The following SIRT1 variants were observed in gnomAD, a reference collection of about 807,000 sequenced individuals.
SIRT1 encodes NAD-dependent protein deacetylase sirtuin-1.
Under a neutral mutation model 67.9 loss-of-function variants are expected in SIRT1, and 24 were observed. The observed-to-expected ratio is 0.35, with a 90% CI of 0.26 to 0.50. The LOEUF (loss-of-function observed/expected upper bound fraction) is 0.50. SIRT1 is among the 20% of genes least tolerant of loss of function. SIRT1 has a pLI of 0.98. For missense variants in SIRT1, 873 were observed against 937.2 expected (o/e 0.93, Z 0.89); for synonymous variants, 378 against 350.7 (o/e 1.08, Z -0.87).
At position 67,889,541 on chromosome 10, in the gene SIRT1, A is replaced by AT. The variant is rs1842536199; in HGVS notation, c.789+420dup. On this transcript the variant is annotated intron_variant, in intron 3 of 8. Transcript: ENST00000212015. ...AGCTTAGTGTTGGGAAGAGTAACAG[A>AT]TTCCTACCTTCCCTCCATATTAATT... 2.6e-5 allele frequency among the ~76,000 whole-genome samples: 4 copies of AT among 152,276 alleles called. No homozygotes were observed. The South Asian group carries it at 8.3e-4, about 32-fold the overall frequency.
chr10:67,885,166 G>A lies in SIRT1; in HGVS notation c.430+15G>A. ...TGGGTACCGAGGTGCGCAGGGTGCGGGCGGCCGGAACTGCGCATCTCCTCC... is the reference window on the plus strand; with the variant it reads ...TGGGTACCGAGGTGCGCAGGGTGCGAGCGGCCGGAACTGCGCATCTCCTCC... On this transcript the variant is annotated intron_variant, in intron 1 of 8. Coordinates refer to ENST00000212015, the MANE Select transcript of SIRT1 (RefSeq NM_012238.5). 1 of 1,373,932 alleles carries A rather than the reference G, an allele frequency of 7.3e-7. No homozygotes were observed. The highest frequency in any genetic ancestry group is 9.5e-7 in the Non-Finnish European group (1 of 1,055,852). 85.1% of individuals were successfully genotyped at this position (1,373,932 alleles called of 1,614,324 possible). A position where few individuals can be genotyped will look rare whatever the true frequency, so the allele number is the denominator to read the frequency against.
intron 4 of SIRT1, among the ~76,000 whole-genome samples, chr10:67,899,769 T>C (rs1842712672): frequency 6.6e-6 from 1 of 152,044 alleles, no homozygotes; most frequent in Non-Finnish European, 1.5e-5. Context: ...AGGGTTGTTT[T>C]TAAGGCAGTT....
At chr10:67,891,795 G>GAA (rs1842578365) in intron 4 of SIRT1, among the ~76,000 whole-genome samples, 3 of 152,166 alleles carry the variant, frequency 2.0e-5, no homozygotes, top group African/African-American at 7.2e-5. Flanking sequence ...AATTTGCACT[G>GAA]CAGCGATGGT....
chr10:67,915,483 T>G (rs1302066100), intron 8 of SIRT1, among the ~76,000 whole-genome samples: 1 of 152,138 alleles, frequency 6.6e-6, no homozygotes, highest in Non-Finnish European at 1.5e-5. Flanking sequence ...TTAGAGGAGT[T>G]TTCAAAAGCG....
chr10:67,907,698 T>C (rs1316480686), intron 5 of SIRT1, among the ~76,000 whole-genome samples: 1 of 152,094 alleles, frequency 6.6e-6, no homozygotes, highest in African/African-American at 2.4e-5. Flanking sequence ...GCTAAGGTAA[T>C]AGAGTTGGAA....
chr10:67,888,886 A>G lies in SIRT1; in HGVS notation c.552A>G (p.Pro184=), dbSNP rs1842527150. 1.2e-6 allele frequency: 2 copies of G among 1,610,448 alleles called. No individual in the cohort carries two copies. Among genetic ancestry groups the G allele is most frequent in the South Asian group, 1.1e-5 (1 of 90,688 alleles). The part of the protein sequence containing the change: ...SDWTPRPRIG[P]YTFVQQHLMI... ...GCCTTTTCCCCCTTATTGTAGGTCC[A>G]TATACTTTTGTTCAGCAACATCTTA... The change falls in exon 3 of 9, where the codon CCA becomes CCG. Residue 184 remains proline (P), a synonymous_variant. Transcript: ENST00000212015.
chr10:67,904,123 GTT>G, intron 4 of SIRT1, among the ~76,000 whole-genome samples: 1 of 115,434 alleles, frequency 8.7e-6, no homozygotes, highest in Non-Finnish European at 1.8e-5. Flanking sequence ...AGTTTTTTTT[GTT>G]TGTTTTTTTT....
In SIRT1 at chr10:67,912,682, T is replaced by C. The variant is rs1439745371; in HGVS notation, c.1566T>C (p.Ala522=). 11 of 1,614,008 alleles carry C rather than the reference T, an allele frequency of 6.8e-6. No homozygotes were observed. The highest frequency in any genetic ancestry group is 1.1e-5 in the South Asian group (1 of 91,088). ...EKPPRTQKEL[A]YLSELPPTPL... ...CTCCACGAACACAAAAAGAATTGGC[T>C]TATTTGTCAGAGTTGCCACCCACAC... Residue 522 remains alanine, a synonymous_variant, in exon 8 of 9, where the codon GCT becomes GCC. Transcript: ENST00000212015.
At position 67,885,006 on chromosome 10, in the gene SIRT1, T is replaced by A; in HGVS notation, c.285T>A (p.Thr95=). ...AAGGEQEAQA[T]AAAGEGDNGP... ...GCGGGGAGCAAGAGGCCCAGGCGAC[T>A]GCGGCGGCTGGGGAAGGAGACAATG... Residue 95 remains threonine (T), a synonymous_variant, in exon 1 of 9, where the codon ACT becomes ACA. Coordinates refer to ENST00000212015, the MANE Select transcript of SIRT1 (RefSeq NM_012238.5). 7.6e-7 allele frequency: 1 copy of A among 1,312,630 alleles called. No homozygotes were observed. The highest frequency in any genetic ancestry group is 9.8e-7 in the Non-Finnish European group (1 of 1,023,202). The allele number at this position is 1,312,630 out of a possible 1,614,324, so 81.3% of individuals were successfully genotyped here.
At chr10:67,896,432 C>T (rs1461791619) in intron 4 of SIRT1, among the ~76,000 whole-genome samples, 2 of 152,348 alleles carry the variant, frequency 1.3e-5, no homozygotes, top group Middle Eastern at 3.4e-3. Flanking sequence ...GCATAGGCCA[C>T]TGCACCCGGC....
chr10:67,906,796 T>C lies in SIRT1; in HGVS notation c.949T>C (p.Tyr317His). The stretch of plus-strand genomic sequence containing the variant: ...TACCATTTGCTTGATACAGGAAATA[T>C]ATCCTGGACAATTCCAGCCATCTCT... ...RPFFKFAKEI[Y>H]PGQFQPSLCH... Residue 317 changes from tyrosine to histidine, a missense_variant, in exon 5 of 9, where the codon TAT (tyrosine) becomes CAT (histidine). By Grantham distance (83) the Tyr-to-His change is moderately conservative. Transcript: ENST00000212015. 1.2e-6 allele frequency: 2 copies of C among 1,611,116 alleles called. No homozygotes were observed. The highest frequency in any genetic ancestry group is 2.2e-5 in the East Asian group (1 of 44,778).
chr10:67,916,529 T>TA lies in SIRT1; in HGVS notation c.2180_2181insA (p.Asn728Ter). 2 of 1,614,112 alleles carry TA rather than the reference T, an allele frequency of 1.2e-6. No homozygotes were observed. The highest frequency in any genetic ancestry group is 1.7e-6 in the Non-Finnish European group (2 of 1,180,018). On this transcript the variant is annotated frameshift_variant, in exon 9 of 9. Transcript: ENST00000212015. LOFTEE classifies it high-confidence loss of function. ...ACTGATGGAGATGATCAAGAGGCAATTAATGAAGCTATATCTGTGAAACAG... is the reference window on the plus strand; with the variant it reads ...ACTGATGGAGATGATCAAGAGGCAATATAATGAAGCTATATCTGTGAAACAG...
intron 4 of SIRT1, among the ~76,000 whole-genome samples, chr10:67,896,348 T>G (rs933554101): frequency 1.3e-5 from 2 of 152,192 alleles, no homozygotes; most frequent in Non-Finnish European, 1.5e-5. Flanking sequence ...TCTCACTATG[T>G]TGTCCAGGCT....
Position 67,906,953 on chromosome 10 carries a change from A to G in SIRT1, c.1090+16A>G. ...CAGTGTCATGGTTAGTAAACTTCAG[A>G]GTGGTTTTCTGTAATTTATTTTAGT... On this transcript the variant is annotated intron_variant, in intron 5 of 8. Coordinates refer to ENST00000212015, the MANE Select transcript of SIRT1 (RefSeq NM_012238.5). 6.5e-7 allele frequency: 1 copy of G among 1,545,956 alleles called. No individual in the cohort carries two copies. The highest frequency in any genetic ancestry group is 8.7e-7 in the Non-Finnish European group (1 of 1,153,068).
At chr10:67,887,295 C>A in intron 1 of SIRT1, 122 bp from the exon 2 acceptor site, 1 of 675,580 alleles carries the variant, frequency 1.5e-6, no homozygotes. Flanking sequence ...CATAGGCATG[C>A]TTTACACACG....
intron 4 of SIRT1, among the ~76,000 whole-genome samples, chr10:67,897,371 C>T (rs1842674867): frequency 6.7e-6 from 1 of 148,594 alleles, no homozygotes; most frequent in Admixed American, 6.7e-5. Context: ...CACTTGCAAC[C>T]TCCGCCTCCC....
intron 7 of SIRT1, 39 bp downstream of exon 7, chr10:67,909,481 T>C: frequency 1.3e-6 from 2 of 1,545,614 alleles, no homozygotes; most frequent in South Asian, 1.2e-5. Flanking sequence ...TTTCTATATA[T>C]AATGTCATGG....
At position 67,912,973 on chromosome 10, in the gene SIRT1, A is replaced by G. The variant is rs1385902332; in HGVS notation, c.1857A>G (p.Thr619=). The G allele has an allele frequency of 6.2e-7, 1 of 1,613,836 alleles. No homozygotes were observed. The highest frequency in any genetic ancestry group is 8.5e-7 in the Non-Finnish European group (1 of 1,179,946). Reference sequence around the variant, plus strand: ...ATGAAAGAACTTCAGTGGCTGGAACAGTGAGAAAATGCTGGCCTAATAGAG... The same window carrying G: ...ATGAAAGAACTTCAGTGGCTGGAACGGTGAGAAAATGCTGGCCTAATAGAG... ...EKNERTSVAG[T]VRKCWPNRVA... The change falls in exon 8 of 9, where the codon ACA becomes ACG. Residue 619 remains threonine, a synonymous_variant. Coordinates refer to ENST00000212015, the MANE Select transcript of SIRT1 (RefSeq NM_012238.5).
chr10:67,885,527 ACC>A, intron 1 of SIRT1: 1 of 583,176 alleles, frequency 1.7e-6, no homozygotes, highest in Non-Finnish European at 2.2e-6. Flanking sequence ...TTTCTCCTCT[ACC>A]CCCCAGCACA....
Sources: gnomAD v4.1 joint callset for allele counts (sites outside exome capture counted in the v4.1 genomes callset) on GRCh38, gnomAD v4.1.1 for gene constraint, MANE v1.5 for transcripts, NCBI Gene and HGNC (gene_info 2026-07-23, HGNC 2026-07-21) for gene names.